The following RTN4 variants were observed in gnomAD, a reference collection of about 807,000 sequenced individuals.
RTN4 encodes reticulon 4, also known as reticulon-4.
A neutral mutation model predicts 90.4 loss-of-function variants in RTN4; 32 were observed. The ratio of observed to expected loss-of-function variants is 0.35; its 90% CI spans 0.27 to 0.48. The LOEUF (loss-of-function observed/expected upper bound fraction) is 0.48. Ranked by LOEUF, RTN4 falls within the 20% of genes least tolerant of loss-of-function variation. The pLI, the probability that RTN4 is intolerant of heterozygous loss-of-function variation, is 0.99. For missense variants in RTN4, 1,706 were observed against 1,430.2 expected, an observed-to-expected ratio of 1.19 and a Z score of -3.11; for synonymous variants, 629 against 552.5, an observed-to-expected ratio of 1.14 and a Z score of -1.94.
At chr2:55,046,602 C>A (rs749172582) in intron 1 of RTN4, among the ~76,000 whole-genome samples, 8 of 152,148 alleles carry the variant, frequency 5.3e-5, no homozygotes, top group Non-Finnish European at 7.4e-5. Flanking sequence ...ATTCTGGGTT[C>A]TTTATTTATG....
At chr2:55,014,294 T>A (rs1005320656) in intron 3 of RTN4, 2 of 152,060 alleles carry the variant, frequency 1.3e-5, no homozygotes, top group Non-Finnish European at 2.9e-5. Flanking sequence ...CAAAAATGAA[T>A]ACTAAAATTC....
chr2:55,114,167 A>G (rs1047294658), upstream of RTN4, among the ~76,000 whole-genome samples: 2 of 152,224 alleles, frequency 1.3e-5, no homozygotes, highest in African/African-American at 4.8e-5. Flanking sequence ...ACATTAGTCT[A>G]TAATAAGACA....
chr2:55,016,238 A>G (rs1285325333), intron 3 of RTN4, among the ~76,000 whole-genome samples: 2 of 152,210 alleles, frequency 1.3e-5, no homozygotes, highest in Non-Finnish European at 2.9e-5. Flanking sequence ...GCTTATAAAC[A>G]ATATATAGAG....
At chr2:54,986,450 G>C (rs1678569870) in intron 4 of RTN4, among the ~76,000 whole-genome samples, 1 of 152,198 alleles carries the variant, frequency 6.6e-6, no homozygotes, top group African/African-American at 2.4e-5. Context: ...GAGCATGGCT[G>C]TGTTCCAACA....
At chr2:55,123,261 T>C in the RTN4 span, among the ~76,000 whole-genome samples, 85 of 152,270 alleles carry the variant, frequency 5.6e-4, no homozygotes, top group Non-Finnish European at 1.1e-3. Context: ...TTGCAAAAAA[T>C]GCCAAAGGAA....
intron 3 of RTN4, among the ~76,000 whole-genome samples, chr2:54,991,945 A>G (rs983918759): frequency 1.3e-5 from 2 of 152,220 alleles, no homozygotes; most frequent in East Asian, 3.8e-4. Flanking sequence ...AGCCTGATAG[A>G]TGTTTTGATT....
At chr2:55,101,810 T>C (rs1667857782) in intron 1 of RTN4, among the ~76,000 whole-genome samples, 1 of 152,146 alleles carries the variant, frequency 6.6e-6, no homozygotes, top group African/African-American at 2.4e-5. Flanking sequence ...TAATTTTGTA[T>C]GTTAAAGTGA....
intron 1 of RTN4, among the ~76,000 whole-genome samples, chr2:55,097,421 G>C (rs10206023): frequency 0.36 from 55,037 of 151,912 alleles, 10,480 homozygotes; most frequent in African/African-American, 0.42. Context: ...TTCTTGTAAA[G>C]AAAGCTTTGG....
At chr2:55,130,178 A>G in the RTN4 span, among the ~76,000 whole-genome samples, 156 of 152,370 alleles carry the variant, frequency 1.0e-3, 3 homozygotes, top group Non-Finnish European at 7.3e-5. Flanking sequence ...GCAATTAGAA[A>G]GACTACGTTG....
chr2:55,089,078 G>T (rs553232933), intron 1 of RTN4, among the ~76,000 whole-genome samples: 1 of 151,964 alleles, frequency 6.6e-6, no homozygotes, highest in African/African-American at 2.4e-5. Context: ...GACTACAGGC[G>T]CTCACAGTTA....
rs1233621107 is a variant in RTN4 at position 55,045,191 on chromosome 2, A to G, written c.556+4554T>C. ...AATCTGTATTTATGAGCAATATTCA[A>G]TTTTATACAAATTTTCATGGCAATT... is the stretch of plus-strand genomic sequence containing the variant. On this transcript the variant is annotated intron_variant, in intron 1 of 8. Transcript: ENST00000337526. 2.6e-5 allele frequency among the ~76,000 whole-genome samples: 4 copies of G among 152,214 alleles called. No homozygotes were observed. In the East Asian group the frequency reaches 7.7e-4, roughly 29 times the overall value.
chr2:54,975,735 CATTA>C (rs1677574351), intron 5 of RTN4, among the ~76,000 whole-genome samples: 1 of 152,144 alleles, frequency 6.6e-6, no homozygotes, highest in Non-Finnish European at 1.5e-5. Flanking sequence ...GCTTACTGAC[CATTA>C]ATTAAGCAGT....
chr2:54,998,220 T>G (rs1573338216), intron 3 of RTN4, among the ~76,000 whole-genome samples: 1 of 138,882 alleles, frequency 7.2e-6, no homozygotes, highest in Non-Finnish European at 1.6e-5. Flanking sequence ...TGCTAGAGGG[T>G]GTGGGGGGCT....
chr2:55,057,944 T>C (rs749230436), intron 2 of RTN4, among the ~76,000 whole-genome samples: 19 of 152,102 alleles, frequency 1.2e-4, no homozygotes, highest in Non-Finnish European at 2.4e-4. Flanking sequence ...GATTGTACCA[T>C]TGCCCTCCAG....
chr2:55,027,318 T>C lies in RTN4; in HGVS notation c.781A>G (p.Thr261Ala), dbSNP rs201887472. ...YLGNLSTVLP[T>A]EGTLQENVSE... ...ACATTTTCTTGAAGTGTTCCTTCAG[T>C]GGGTAATACTGTTGACAAATTACCA... The change falls in exon 3 of 9, where the codon ACT becomes GCT. Residue 261 changes from threonine (T) to alanine (A), a missense_variant. Thr to Ala is a moderately conservative substitution (Grantham distance 58). Transcript: ENST00000337526. 1 of 1,613,676 alleles carries C rather than the reference T, an allele frequency of 6.2e-7. No homozygotes were observed. Among genetic ancestry groups the C allele is most frequent in the Non-Finnish European group, 8.5e-7 (1 of 1,179,746 alleles).
chr2:54,990,562 C>G (rs1678921702), intron 3 of RTN4, among the ~76,000 whole-genome samples: 1 of 152,110 alleles, frequency 6.6e-6, no homozygotes, highest in South Asian at 2.1e-4. Flanking sequence ...TCACAATCAT[C>G]TTACTCAATA....
chr2:54,993,132 A>G (rs1262703213), intron 3 of RTN4, among the ~76,000 whole-genome samples: 1 of 151,850 alleles, frequency 6.6e-6, no homozygotes, highest in Non-Finnish European at 1.5e-5. Flanking sequence ...GTCTGAAAGT[A>G]TATCTACTAA....
At position 55,014,799 on chromosome 2, in the gene RTN4, G is replaced by C. The variant is rs750741563; in HGVS notation, c.3013+10287C>G. Among the ~76,000 whole-genome samples, 3 of 152,230 alleles carry C rather than the reference G, an allele frequency of 2.0e-5. No individual in the cohort carries two copies. The South Asian group carries it at 6.2e-4, about 32-fold the overall frequency. On this transcript the variant is annotated intron_variant, in intron 3 of 8. Coordinates refer to ENST00000337526, the MANE Select transcript of RTN4 (RefSeq NM_020532.5). ...CAAAGTGCTGGGATTACAGACGTGA[G>C]CCACTGCACCTGGCCTCAAGCACGC... is the stretch of plus-strand genomic sequence containing the variant.
At chr2:55,080,987 T>A (rs1418061118) in intron 1 of RTN4, among the ~76,000 whole-genome samples, 1 of 152,196 alleles carries the variant, frequency 6.6e-6, no homozygotes, top group Admixed American at 6.6e-5. Flanking sequence ...TTTTAAAAAA[T>A]ATTCAGAGCT....
Sources: gnomAD v4.1 joint callset for allele counts (sites outside exome capture counted in the v4.1 genomes callset) on GRCh38, gnomAD v4.1.1 for gene constraint, MANE v1.5 for transcripts, NCBI Gene and HGNC (gene_info 2026-07-23, HGNC 2026-07-21) for gene names.